The following BMP5 variants were observed in gnomAD, a reference collection of about 807,000 sequenced individuals.
The protein encoded by BMP5 is bone morphogenetic protein 5.
Under a neutral mutation model 46.6 loss-of-function variants are expected in BMP5, and 23 were observed. The observed-to-expected ratio is 0.49, with a 90% confidence interval of 0.35 to 0.70. The LOEUF (loss-of-function observed/expected upper bound fraction) is 0.70. Among genes scored for constraint, BMP5 ranks in the 30% least tolerant of loss-of-function variants. BMP5 has a pLI of 0.00. For missense variants in BMP5, 545 were observed against 565.6 expected (o/e 0.96, Z 0.37); for synonymous variants, 204 against 191.9 (o/e 1.06, Z -0.52).
intron 2 of BMP5, among the ~76,000 whole-genome samples, chr6:55,797,761 C>T (rs1253386189): frequency 2.6e-5 from 4 of 151,678 alleles, no homozygotes; most frequent in Admixed American, 6.6e-5. Flanking sequence ...GGACTACAGG[C>T]GCCTGCCACC....
intron 1 of BMP5, among the ~76,000 whole-genome samples, chr6:55,835,101 A>T (rs1776759028): frequency 6.6e-6 from 1 of 151,868 alleles, no homozygotes; most frequent in African/African-American, 2.4e-5. Flanking sequence ...AAAAAAAAAA[A>T]TTATATGTGG....
chr6:55,802,208 T>C (rs1485258462), intron 2 of BMP5, among the ~76,000 whole-genome samples: 2 of 152,186 alleles, frequency 1.3e-5, no homozygotes, highest in African/African-American at 4.8e-5. Flanking sequence ...TTCCCAATGG[T>C]ACAATGCTAA....
intron 3 of BMP5, among the ~76,000 whole-genome samples, chr6:55,776,183 C>CT (rs1775168120): frequency 6.6e-6 from 1 of 151,964 alleles, no homozygotes; most frequent in African/African-American, 2.4e-5. Flanking sequence ...TAGAAAAACT[C>CT]TATCACTGGC....
chr6:55,837,588 T>C (rs970415692), intron 1 of BMP5, among the ~76,000 whole-genome samples: 1 of 152,190 alleles, frequency 6.6e-6, no homozygotes, highest in African/African-American at 2.4e-5. Flanking sequence ...GCAGGTAATG[T>C]GAAATAAGCA....
At chr6:55,778,811 G>C (rs918751764) in intron 3 of BMP5, among the ~76,000 whole-genome samples, 2 of 151,968 alleles carry the variant, frequency 1.3e-5, no homozygotes, top group African/African-American at 4.8e-5. Flanking sequence ...AGGCTGGAGC[G>C]CTGAACTACT....
intron 3 of BMP5, among the ~76,000 whole-genome samples, chr6:55,785,185 T>G (rs1313596146): frequency 6.6e-6 from 1 of 151,818 alleles, no homozygotes; most frequent in African/African-American, 2.4e-5. Flanking sequence ...AATATTAGCA[T>G]GAAAGAACAA....
intron 1 of BMP5, among the ~76,000 whole-genome samples, chr6:55,849,473 A>G (rs1398160886): frequency 6.6e-6 from 1 of 152,076 alleles, no homozygotes; most frequent in Admixed American, 6.6e-5. Flanking sequence ...GAGAGTAAGC[A>G]ACACACATAG....
At chr6:55,767,369 T>C (rs1774938602) in intron 4 of BMP5, among the ~76,000 whole-genome samples, 1 of 152,034 alleles carries the variant, frequency 6.6e-6, no homozygotes, top group Admixed American at 6.6e-5. Context: ...ATTTGCCGTG[T>C]ACCACTATTT....
At chr6:55,846,548 T>C (rs1053365499) in intron 1 of BMP5, among the ~76,000 whole-genome samples, 6 of 151,972 alleles carry the variant, frequency 3.9e-5, no homozygotes, top group African/African-American at 1.4e-4. Flanking sequence ...TCTTGTCATG[T>C]ACTTCTTCTT....
intron 1 of BMP5, among the ~76,000 whole-genome samples, chr6:55,853,776 C>T (rs574572720): frequency 3.9e-5 from 6 of 152,216 alleles, no homozygotes; most frequent in South Asian, 4.1e-4. Context: ...CAGTCAAACC[C>T]GATACACATG....
At chr6:55,839,297 GTTT>G (rs1429997402) in intron 1 of BMP5, among the ~76,000 whole-genome samples, 3 of 150,372 alleles carry the variant, frequency 2.0e-5, no homozygotes, top group Non-Finnish European at 3.0e-5. Context: ...TATTTGTAAG[GTTT>G]TTATTTTTTA....
intron 1 of BMP5, among the ~76,000 whole-genome samples, chr6:55,868,256 G>A (rs899476134): frequency 6.6e-6 from 1 of 152,064 alleles, no homozygotes; most frequent in African/African-American, 2.4e-5. Flanking sequence ...ACAACTCCAG[G>A]AAACCTGTTT....
intron 4 of BMP5, among the ~76,000 whole-genome samples, chr6:55,763,049 G>C (rs930530320): frequency 1.8e-4 from 28 of 152,090 alleles, no homozygotes; most frequent in African/African-American, 6.3e-4. Context: ...ACCACTCTTA[G>C]TAGGTCATAC....
Position 55,755,353 on chromosome 6 carries a change from A to G in BMP5, c.*180T>C. The G allele has an allele frequency of 1.7e-6, 1 of 590,146 alleles. No homozygotes were observed. The highest frequency in any genetic ancestry group is 3.0e-6 in the Non-Finnish European group (1 of 338,120). The allele number at this position is 590,146 out of a possible 1,614,324, so 36.6% of individuals were successfully genotyped here. On this transcript the variant is annotated 3_prime_UTR_variant, in exon 7 of 7. Transcript: ENST00000370830. ...GATTTTATTGATAAAGCCTCCACAG[A>G]AGAGAATATATACGTTTAAATAAAT...
chr6:55,842,186 G>A (rs903184564), intron 1 of BMP5, among the ~76,000 whole-genome samples: 2 of 152,102 alleles, frequency 1.3e-5, no homozygotes, highest in South Asian at 2.1e-4. Flanking sequence ...TCTTAGTCCC[G>A]TCAAAATTCA....
chr6:55,797,535 T>C (rs965286756), intron 2 of BMP5, among the ~76,000 whole-genome samples: 1 of 152,064 alleles, frequency 6.6e-6, no homozygotes, highest in Non-Finnish European at 1.5e-5. Flanking sequence ...AAAGCCTACA[T>C]TGTAGCAAAG....
intron 1 of BMP5, among the ~76,000 whole-genome samples, chr6:55,836,943 C>T (rs1776809506): frequency 6.6e-6 from 1 of 152,030 alleles, no homozygotes; most frequent in South Asian, 2.1e-4. Context: ...TAATTATAAG[C>T]AAACTTCTTC....
intron 1 of BMP5, among the ~76,000 whole-genome samples, chr6:55,862,857 T>A (rs1354607151): frequency 6.6e-6 from 1 of 152,186 alleles, no homozygotes; most frequent in Non-Finnish European, 1.5e-5. Context: ...CTAAAAGGCT[T>A]CCATAGGTTC....
At chr6:55,791,090 A>G (rs1024815463) in intron 3 of BMP5, among the ~76,000 whole-genome samples, 2 of 152,160 alleles carry the variant, frequency 1.3e-5, no homozygotes, top group African/African-American at 4.8e-5. Flanking sequence ...TTTTGCTTAG[A>G]AGAAAACGTT....
Sources: gnomAD v4.1 joint callset for allele counts (sites outside exome capture counted in the v4.1 genomes callset) on GRCh38, gnomAD v4.1.1 for gene constraint, MANE v1.5 for transcripts, NCBI Gene and HGNC (gene_info 2026-07-23, HGNC 2026-07-21) for gene names.